The following SYNPO2 variants were observed in gnomAD, a reference collection of about 807,000 sequenced individuals.
SYNPO2 encodes the protein synaptopodin 2, also known as synaptopodin-2.
SYNPO2 carries 56 observed loss-of-function variants against 85.0 expected under a neutral mutation model. That is an observed-to-expected ratio of 0.66 (90% CI 0.53 to 0.82). The LOEUF is 0.82. Among genes scored for constraint, SYNPO2 ranks in the 40% least tolerant of loss-of-function variants. SYNPO2 has a pLI of 0.00. For missense variants in SYNPO2, 1,575 were observed against 1,534.2 expected, an observed-to-expected ratio of 1.03 and a Z score of -0.44; for synonymous variants, 602 against 591.1, an observed-to-expected ratio of 1.02 and a Z score of -0.27.
chr4:118,957,515 A>G (rs530761275), intron 1 of SYNPO2, among the ~76,000 whole-genome samples: 44 of 152,280 alleles, frequency 2.9e-4, no homozygotes, highest in African/African-American at 1.0e-3. Flanking sequence ...TAATCTGTAA[A>G]GGTGGACATA....
At chr4:119,037,105 G>A in intron 4 of SYNPO2, 1 of 1,536,146 alleles carries the variant, frequency 6.5e-7, no homozygotes, top group South Asian at 1.2e-5. Flanking sequence ...TGTGTGCTCT[G>A]TGACAGGTGA....
At chr4:118,951,644 C>CA (rs1392034496) in intron 1 of SYNPO2, among the ~76,000 whole-genome samples, 4 of 151,940 alleles carry the variant, frequency 2.6e-5, no homozygotes, top group Admixed American at 6.6e-5. Context: ...AACATTGTAT[C>CA]AAAAAAATCT....
intron 1 of SYNPO2, among the ~76,000 whole-genome samples, chr4:118,855,095 G>A (rs931084845): frequency 3.3e-5 from 5 of 150,196 alleles, no homozygotes; most frequent in Admixed American, 2.0e-4. Flanking sequence ...TTGCAAACAG[G>A]ATGACGTTCC....
intron 1 of SYNPO2, among the ~76,000 whole-genome samples, chr4:118,974,098 A>G (rs1375511920): frequency 6.6e-6 from 1 of 152,252 alleles, no homozygotes; most frequent in East Asian, 1.9e-4. Flanking sequence ...ATAGCTAAAT[A>G]TTAAACCTGG....
intron 4 of SYNPO2, chr4:119,034,554 A>AAAAGCAGT (rs1408070295): frequency 9.1e-6 from 9 of 985,464 alleles, no homozygotes; most frequent in African/African-American, 1.7e-5. Context: ...GGCATGCAGT[A>AAAAGCAGT]AAAGCATCTA....
chr4:119,046,070 T>C (rs989185790), intron 4 of SYNPO2, among the ~76,000 whole-genome samples: 1 of 152,204 alleles, frequency 6.6e-6, no homozygotes, highest in African/African-American at 2.4e-5. Flanking sequence ...AATTACCTAA[T>C]TTACATGCCT....
At chr4:118,944,555 T>C (rs1734430738) in intron 1 of SYNPO2, among the ~76,000 whole-genome samples, 1 of 152,184 alleles carries the variant, frequency 6.6e-6, no homozygotes, top group South Asian at 2.1e-4. Flanking sequence ...CTGTTAACGC[T>C]GATTCAAACT....
chr4:118,981,402 C>A (rs539632587), intron 1 of SYNPO2, among the ~76,000 whole-genome samples: 1 of 152,268 alleles, frequency 6.6e-6, no homozygotes, highest in African/African-American at 2.4e-5. Flanking sequence ...TTAGAGCAGA[C>A]CCCCCACAGA....
In SYNPO2 at chr4:119,061,198, A is replaced by T. The variant is rs116279062; in HGVS notation, c.*3264A>T. The T allele has an allele frequency of 9.4e-3, 1,436 of 152,286 alleles. 27 individuals are homozygous for T. The highest frequency in any genetic ancestry group is 0.033 in the African/African-American group (1,363 of 41,574). 9.4% of individuals were successfully genotyped at this position (152,286 alleles called of 1,614,324 possible). A position where few individuals can be genotyped will look rare whatever the true frequency, so the allele number is the denominator to read the frequency against. On this transcript the variant is annotated 3_prime_UTR_variant, in exon 5 of 5. Transcript: ENST00000307142. ...ACAAAAGACTGTATTTGAAATATGCATACGGAAAATTGAAATTATATTAGT... is the reference window on the plus strand; with the variant it reads ...ACAAAAGACTGTATTTGAAATATGCTTACGGAAAATTGAAATTATATTAGT...
At chr4:118,965,503 A>C (rs571849899) in intron 1 of SYNPO2, among the ~76,000 whole-genome samples, 1 of 152,078 alleles carries the variant, frequency 6.6e-6, no homozygotes, top group Non-Finnish European at 1.5e-5. Flanking sequence ...ATCCAGGCCC[A>C]CTTTTTTCAT....
At position 119,026,777 on chromosome 4, in the gene SYNPO2, C is replaced by T; in HGVS notation, c.408C>T (p.Val136=). 1 of 1,613,424 alleles carries T rather than the reference C, an allele frequency of 6.2e-7. No homozygotes were observed. Among genetic ancestry groups the T allele is most frequent in the South Asian group, 1.1e-5 (1 of 91,028 alleles). ...TQCTEFFLAP[V]KTEVPLAENQ... ...GCACAGAATTCTTCCTCGCCCCTGT[C>T]AAGACTGAAGTTCCCCTAGCTGAGA... is the stretch of plus-strand genomic sequence containing the variant. The change falls in exon 3 of 5, where the codon GTC becomes GTT. Residue 136 remains valine (V), a synonymous_variant. Coordinates refer to ENST00000307142, the MANE Select transcript of SYNPO2 (RefSeq NM_133477.3).
chr4:118,907,770 G>GT (rs1732986143), intron 1 of SYNPO2, among the ~76,000 whole-genome samples: 4 of 152,056 alleles, frequency 2.6e-5, no homozygotes, highest in African/African-American at 9.7e-5. Context: ...TAAAAATAAA[G>GT]GAAAAACTAT....
intron 4 of SYNPO2, among the ~76,000 whole-genome samples, chr4:119,047,151 C>G (rs1738896322): frequency 2.6e-5 from 4 of 152,152 alleles, no homozygotes; most frequent in Non-Finnish European, 5.9e-5. Context: ...ACCTCTGCCT[C>G]CCGGGTTCCA....
intron 1 of SYNPO2, among the ~76,000 whole-genome samples, chr4:118,924,495 G>C (rs2059252752): frequency 6.6e-6 from 1 of 152,114 alleles, no homozygotes; most frequent in Admixed American, 6.6e-5. Flanking sequence ...AAGTTACTAG[G>C]GGACTCAGAG....
chr4:118,912,627 A>T (rs2149124605), intron 1 of SYNPO2, among the ~76,000 whole-genome samples: 1 of 152,296 alleles, frequency 6.6e-6, no homozygotes, highest in East Asian at 1.9e-4. Context: ...ATAAATTCTA[A>T]CCATTTTTTC....
intron 1 of SYNPO2, among the ~76,000 whole-genome samples, chr4:118,993,972 A>T (rs1025393385): frequency 6.6e-6 from 1 of 152,198 alleles, no homozygotes; most frequent in South Asian, 2.1e-4. Context: ...GGACCAGCTG[A>T]TCGTCAGTCC....
intron 1 of SYNPO2, among the ~76,000 whole-genome samples, chr4:118,856,791 C>A (rs1731514067): frequency 6.6e-6 from 1 of 152,086 alleles, no homozygotes; most frequent in Non-Finnish European, 1.5e-5. Flanking sequence ...GGATTACAGG[C>A]GTGAGCCACA....
intron 1 of SYNPO2, among the ~76,000 whole-genome samples, chr4:118,946,185 G>A (rs191131532): frequency 1.3e-3 from 205 of 152,246 alleles, no homozygotes; most frequent in African/African-American, 4.7e-3. Flanking sequence ...AAGGGAGGAC[G>A]ACTTATATCT....
In SYNPO2 at chr4:119,029,840, C is replaced by A; in HGVS notation, c.1070-5C>A. 6.5e-7 allele frequency: 1 copy of A among 1,531,562 alleles called. No individual in the cohort carries two copies. The highest frequency in any genetic ancestry group is 1.3e-5 in the South Asian group (1 of 77,730). 94.9% of individuals were successfully genotyped at this position (1,531,562 alleles called of 1,614,324 possible). On this transcript the variant is annotated splice_polypyrimidine_tract_variant and splice_region_variant and intron_variant, in intron 3 of 4. Coordinates refer to ENST00000307142, the MANE Select transcript of SYNPO2 (RefSeq NM_133477.3). ...ATATAATTTTTTTTTTTTTGCTTTC[C>A]CTAGGGCTCAGGAGGAGTGAAAGCC... is the stretch of plus-strand genomic sequence containing the variant.
Sources: allele counts gnomAD v4.1 joint callset (sites outside exome capture counted in the v4.1 genomes callset), GRCh38; gene constraint gnomAD v4.1.1; transcripts MANE v1.5; gene names NCBI Gene and HGNC (gene_info 2026-07-23, HGNC 2026-07-21).